The following RFX4 variants were observed in gnomAD, a reference collection of about 807,000 sequenced individuals.
RFX4 encodes the protein regulatory factor X4, also known as transcription factor RFX4.
In RFX4, 10 loss-of-function variants were observed where a neutral mutation model predicts 95.0. The observed-to-expected ratio is 0.11, with a 90% CI of 0.06 to 0.18. RFX4 has a LOEUF of 0.18. Among genes scored for constraint, RFX4 ranks in the 10% least tolerant of loss-of-function variants. RFX4 has a pLI of 1.00. For synonymous variants in RFX4, 321 were observed against 340.7 expected, an observed-to-expected ratio of 0.94 and a Z score of 0.64; for missense variants, 640 against 922.0, an observed-to-expected ratio of 0.69 and a Z score of 3.96.
At chr12:106,623,381 C>T (rs2040224314) in intron 2 of RFX4, among the ~76,000 whole-genome samples, 1 of 152,044 alleles carries the variant, frequency 6.6e-6, no homozygotes, top group Non-Finnish European at 1.5e-5. Context: ...AGTAATGAAC[C>T]CTCACGTTTC....
intron 10 of RFX4, among the ~76,000 whole-genome samples, chr12:106,714,472 AG>A (rs1257038241): frequency 1.3e-5 from 2 of 152,226 alleles, no homozygotes; most frequent in African/African-American, 4.8e-5. Flanking sequence ...GGGTACAACA[AG>A]GGTTTGTCAG....
intron 1 of RFX4, among the ~76,000 whole-genome samples, chr12:106,599,088 A>G (rs1004471221): frequency 6.6e-6 from 1 of 151,922 alleles, no homozygotes. Flanking sequence ...AATTTTCTCT[A>G]GTTTCTGAAG....
At chr12:106,696,842 G>C (rs886936455) in intron 8 of RFX4, among the ~76,000 whole-genome samples, 1 of 152,142 alleles carries the variant, frequency 6.6e-6, no homozygotes, top group African/African-American at 2.4e-5. Context: ...ACTATACCCT[G>C]TTCTGTGCCT....
intron 8 of RFX4, among the ~76,000 whole-genome samples, chr12:106,704,221 G>A (rs1467905096): frequency 6.6e-6 from 1 of 151,972 alleles, no homozygotes; most frequent in African/African-American, 2.4e-5. Context: ...AATGTGCTAG[G>A]GACTATGCTA....
intron 8 of RFX4, among the ~76,000 whole-genome samples, chr12:106,697,944 CGT>C (rs2041912255): frequency 6.6e-6 from 1 of 150,398 alleles, no homozygotes; most frequent in Admixed American, 6.6e-5. Context: ...TGTGTGTGTT[CGT>C]GTGTGTTTAT....
At chr12:106,742,190 A>G (rs959633317) in intron 15 of RFX4, among the ~76,000 whole-genome samples, 4 of 151,930 alleles carry the variant, frequency 2.6e-5, no homozygotes, top group Non-Finnish European at 2.9e-5. Flanking sequence ...TGTTGTTGTT[A>G]TTGTTGTTGT....
At chr12:106,637,373 G>A (rs1464597150) in intron 2 of RFX4, among the ~76,000 whole-genome samples, 1 of 152,128 alleles carries the variant, frequency 6.6e-6, no homozygotes, top group Non-Finnish European at 1.5e-5. Flanking sequence ...CAGCTTTGAT[G>A]AGCTAATTTA....
intron 3 of RFX4, among the ~76,000 whole-genome samples, chr12:106,650,732 G>GA (rs896135290): frequency 1.5e-4 from 22 of 142,910 alleles, no homozygotes; most frequent in Middle Eastern, 3.6e-3. Context: ...TGTCTCAAAA[G>GA]AAAAAAAAAA....
At chr12:106,615,183 C>A (rs893252413) in intron 2 of RFX4, among the ~76,000 whole-genome samples, 1 of 151,774 alleles carries the variant, frequency 6.6e-6, no homozygotes, top group Non-Finnish European at 1.5e-5. Context: ...AATCAAAGTT[C>A]TTTTTTTTCT....
chr12:106,734,886 C>T (rs1444704621), intron 15 of RFX4, among the ~76,000 whole-genome samples: 6 of 151,932 alleles, frequency 3.9e-5, no homozygotes, highest in African/African-American at 1.4e-4. Flanking sequence ...TATATTGAGA[C>T]CCCCATCTCT....
At chr12:106,633,533 A>T (rs1156915145) in intron 2 of RFX4, among the ~76,000 whole-genome samples, 1 of 152,210 alleles carries the variant, frequency 6.6e-6, no homozygotes, top group African/African-American at 2.4e-5. Context: ...CTAGTTCTTA[A>T]CATATTATAT....
chr12:106,670,185 G>C (rs2041255122), intron 4 of RFX4, among the ~76,000 whole-genome samples: 1 of 152,078 alleles, frequency 6.6e-6, no homozygotes, highest in Non-Finnish European at 1.5e-5. Flanking sequence ...CTTTCTAGGT[G>C]CTCTTCTTTC....
intron 7 of RFX4, among the ~76,000 whole-genome samples, chr12:106,694,825 A>G (rs2041849033): frequency 6.6e-6 from 1 of 152,130 alleles, no homozygotes; most frequent in Admixed American, 6.5e-5. Context: ...ACCTGAGGTC[A>G]GGTACTCGAG....
At chr12:106,731,717 A>T (rs571683260) in intron 13 of RFX4, among the ~76,000 whole-genome samples, 13 of 152,366 alleles carry the variant, frequency 8.5e-5, no homozygotes, top group African/African-American at 3.1e-4. Context: ...TTAAAGTCCA[A>T]TTGGGGGAAT....
At chr12:106,721,752 G>GT (rs1166285420) in intron 13 of RFX4, among the ~76,000 whole-genome samples, 1 of 152,186 alleles carries the variant, frequency 6.6e-6, no homozygotes, top group East Asian at 1.9e-4. Context: ...CCCTTTGCAA[G>GT]TAAGGGTTGT....
intron 2 of RFX4, among the ~76,000 whole-genome samples, chr12:106,614,103 GA>G (rs906214040): frequency 5.9e-5 from 9 of 151,930 alleles, no homozygotes; most frequent in African/African-American, 2.2e-4. Flanking sequence ...GATAAATAAT[GA>G]CTGTAGCATC....
At chr12:106,627,439 G>C (rs185100882) in intron 2 of RFX4, among the ~76,000 whole-genome samples, 1 of 152,122 alleles carries the variant, frequency 6.6e-6, no homozygotes. Context: ...GGAGGCTGAG[G>C]CAGGAGGATT....
At chr12:106,602,925 G>C (rs1565946244) in intron 1 of RFX4, among the ~76,000 whole-genome samples, 1 of 152,120 alleles carries the variant, frequency 6.6e-6, no homozygotes, top group Non-Finnish European at 1.5e-5. Context: ...TTAAGGGTGG[G>C]AAAAATAAGT....
intron 2 of RFX4, among the ~76,000 whole-genome samples, chr12:106,614,994 A>G (rs1248431195): frequency 6.6e-6 from 1 of 152,152 alleles, no homozygotes; most frequent in Non-Finnish European, 1.5e-5. Context: ...TTCAATTCTA[A>G]TAAAATTTAA....
Sources: allele counts gnomAD v4.1 joint callset (sites outside exome capture counted in the v4.1 genomes callset), GRCh38; gene constraint gnomAD v4.1.1; transcripts MANE v1.5; gene names NCBI Gene and HGNC (gene_info 2026-07-23, HGNC 2026-07-21).